Variants in AK8 observed in about 807,000 individuals in gnomAD.
The protein encoded by AK8 is adenylate kinase 8.
In AK8, 44 loss-of-function variants were observed where a neutral mutation model predicts 54.6. The ratio of observed to expected loss-of-function variants is 0.81; its 90% confidence interval spans 0.63 to 1.04. AK8 has a LOEUF of 1.04. Among genes scored for constraint, AK8 ranks in the 50% least tolerant of loss-of-function variants. The pLI is 0.00. For missense variants in AK8, 555 were observed against 613.6 expected (o/e 0.90, Z 1.01); for synonymous variants, 239 against 245.6 (o/e 0.97, Z 0.25).
chr9:132,784,938 A>G (rs375384801), intron 11 of AK8, among the ~76,000 whole-genome samples: 2 of 152,152 alleles, frequency 1.3e-5, no homozygotes, highest in South Asian at 2.1e-4. Flanking sequence ...ACAGAATATA[A>G]TTGTTATATT....
At chr9:132,807,628 T>TCCAC (rs1840784252) in intron 10 of AK8, among the ~76,000 whole-genome samples, 1 of 152,214 alleles carries the variant, frequency 6.6e-6, no homozygotes, top group South Asian at 2.1e-4. Context: ...GTAGGTTATA[T>TCCAC]CCACCATCAA....
At chr9:132,752,121 T>A (rs1052393429) in intron 11 of AK8, among the ~76,000 whole-genome samples, 63 of 141,396 alleles carry the variant, frequency 4.5e-4, no homozygotes, top group African/African-American at 1.6e-3. Flanking sequence ...AGATTATAGG[T>A]GCGAGCCACC....
At position 132,875,263 on chromosome 9, in the gene AK8, A is replaced by G. The variant is rs1356914944; in HGVS notation, c.85-64T>C. The stretch of plus-strand genomic sequence containing the variant: ...GCAAGGGCACCTGGTCACCACAGAT[A>G]CCAGCTATGGGGCCTGCTCTCTCCA... On this transcript the variant is annotated intron_variant, in intron 1 of 12. Transcript: ENST00000298545. 5.6e-6 allele frequency: 9 copies of G among 1,593,266 alleles called. No homozygotes were observed. The East Asian group carries it at 1.6e-4, about 28-fold the overall frequency.
At chr9:132,865,767 C>T (rs2526010) in intron 3 of AK8, among the ~76,000 whole-genome samples, 8 of 150,952 alleles carry the variant, frequency 5.3e-5, no homozygotes, top group Non-Finnish European at 8.8e-5. Flanking sequence ...GAGCCGAGAT[C>T]GCACCACTGC....
At chr9:132,835,056 G>A (rs1181420133) in intron 5 of AK8, among the ~76,000 whole-genome samples, 1 of 152,154 alleles carries the variant, frequency 6.6e-6, no homozygotes, top group Non-Finnish European at 1.5e-5. Flanking sequence ...TTTTTTAGTA[G>A]AGACGGGGTT....
intron 5 of AK8, among the ~76,000 whole-genome samples, chr9:132,833,840 CCTGA>C (rs1465585036): frequency 2.0e-5 from 3 of 152,282 alleles, no homozygotes; most frequent in Non-Finnish European, 2.9e-5. Context: ...CTTTTGCCCT[CCTGA>C]CTATTATTAA....
intron 11 of AK8, among the ~76,000 whole-genome samples, chr9:132,751,796 T>C (rs2131017857): frequency 6.6e-6 from 1 of 152,088 alleles, no homozygotes; most frequent in South Asian, 2.1e-4. Context: ...GGCTGTGATA[T>C]AATGTGTGCA....
intron 11 of AK8, among the ~76,000 whole-genome samples, chr9:132,786,131 A>C (rs79734131): frequency 1.3e-5 from 2 of 152,344 alleles, no homozygotes; most frequent in African/African-American, 2.4e-5. Context: ...AATCAACCTC[A>C]TCTTCCCCAG....
intron 11 of AK8, among the ~76,000 whole-genome samples, chr9:132,728,141 G>A (rs559448337): frequency 1.3e-5 from 2 of 152,318 alleles, no homozygotes; most frequent in Non-Finnish European, 2.9e-5. Context: ...CCCAGACGAG[G>A]GTGGGCATCA....
chr9:132,740,445 C>T (rs1404082031), intron 11 of AK8, among the ~76,000 whole-genome samples: 2 of 152,178 alleles, frequency 1.3e-5, no homozygotes, highest in African/African-American at 4.8e-5. Flanking sequence ...ATGGGGGTAC[C>T]AGTTCTCTCC....
chr9:132,730,617 A>C (rs530180169), intron 11 of AK8, among the ~76,000 whole-genome samples: 1 of 152,092 alleles, frequency 6.6e-6, no homozygotes, highest in African/African-American at 2.4e-5. Flanking sequence ...AGAACTGCTC[A>C]GTCAGGGGCA....
At chr9:132,824,047 G>C (rs1199775274) in intron 8 of AK8, among the ~76,000 whole-genome samples, 1 of 152,196 alleles carries the variant, frequency 6.6e-6, no homozygotes, top group Non-Finnish European at 1.5e-5. Context: ...GATGGGGTGA[G>C]TGTCTCCAAC....
At position 132,867,032 on chromosome 9, in the gene AK8, T is replaced by G. The variant is rs886451828; in HGVS notation, c.170-79A>C. The G allele has an allele frequency of 2.3e-5, 31 of 1,338,104 alleles. No homozygotes were observed. In the African/African-American group the frequency reaches 4.3e-4, roughly 19 times the overall value. The allele number at this position is 1,338,104 out of a possible 1,614,324, so 82.9% of individuals were successfully genotyped here. On this transcript the variant is annotated intron_variant, in intron 2 of 12. Coordinates refer to ENST00000298545, the MANE Select transcript of AK8 (RefSeq NM_152572.3). ...ACACCTGCGGTACTCGGGGTGTACT[T>G]ATTTCTCCCTCCCTAGATTTCATTT...
intron 11 of AK8, among the ~76,000 whole-genome samples, chr9:132,758,738 C>T (rs781066485): frequency 6.6e-6 from 1 of 152,054 alleles, no homozygotes; most frequent in Non-Finnish European, 1.5e-5. Flanking sequence ...GGATTACAGG[C>T]ATGAGCCACC....
At position 132,727,503 on chromosome 9, in the gene AK8, T is replaced by A. The variant is rs140784839; in HGVS notation, c.1153A>T (p.Ile385Phe). Residue 385 changes from isoleucine (I) to phenylalanine (F), a missense_variant, in exon 12 of 13, where the codon ATC (isoleucine) becomes TTC (phenylalanine). Ile to Phe is a conservative substitution (Grantham distance 21, BLOSUM62 0). Transcript: ENST00000298545. ...CTTCTCAGAGTCAGCCGCTCCATGA[T>A]GGAATCAAATGGCACATTCAGGAAA... is the stretch of plus-strand genomic sequence containing the variant. ...VFFLNVPFDS[I>F]MERLTLRRID... 4 of 1,613,928 alleles carry A rather than the reference T, an allele frequency of 2.5e-6. No individual in the cohort carries two copies. Among genetic ancestry groups the A allele is most frequent in the Non-Finnish European group, 3.4e-6 (4 of 1,179,970 alleles).
chr9:132,849,953 G>T (rs887209224), intron 5 of AK8, among the ~76,000 whole-genome samples: 1 of 151,908 alleles, frequency 6.6e-6, no homozygotes, highest in East Asian at 1.9e-4. Context: ...CACCATGTTG[G>T]CCAGGCTGGT....
chr9:132,751,689 C>T (rs1298405643), intron 11 of AK8, among the ~76,000 whole-genome samples: 1 of 151,806 alleles, frequency 6.6e-6, no homozygotes, highest in Admixed American at 6.6e-5. Flanking sequence ...GGCTGACGAG[C>T]ACAAATGCTC....
intron 11 of AK8, among the ~76,000 whole-genome samples, chr9:132,779,578 G>A (rs115560207): frequency 0.024 from 3,726 of 152,282 alleles, 147 homozygotes; most frequent in African/African-American, 0.085. Flanking sequence ...AGGTACTCTG[G>A]GCACTCACGT....
intron 11 of AK8, among the ~76,000 whole-genome samples, chr9:132,754,575 T>C (rs1255105712): frequency 6.6e-6 from 1 of 152,178 alleles, no homozygotes; most frequent in East Asian, 1.9e-4. Context: ...AAACTTTCAA[T>C]GGCCATTCCT....
Sources: gnomAD v4.1 joint callset for allele counts (sites outside exome capture counted in the v4.1 genomes callset) on GRCh38, gnomAD v4.1.1 for gene constraint, MANE v1.5 for transcripts, NCBI Gene and HGNC (gene_info 2026-07-23, HGNC 2026-07-21) for gene names.